Variants in TRERF1 observed in about 807,000 individuals in gnomAD.
The protein encoded by TRERF1 is transcriptional-regulating factor 1.
In TRERF1, 27 loss-of-function variants were observed where a neutral mutation model predicts 122.9. The ratio of observed to expected loss-of-function variants is 0.22; its 90% CI spans 0.16 to 0.30. The LOEUF (loss-of-function observed/expected upper bound fraction) is 0.30, where lower values mean the gene tolerates loss of function less well. Ranked by LOEUF, TRERF1 falls within the 10% of genes least tolerant of loss-of-function variation. The pLI is 1.00. For missense variants in TRERF1, 1,248 were observed against 1,560.3 expected, an observed-to-expected ratio of 0.80 and a Z score of 3.37; for synonymous variants, 636 against 641.7, an observed-to-expected ratio of 0.99 and a Z score of 0.13.
chr6:42,396,602 C>T (rs1321084402), intron 2 of TRERF1, among the ~76,000 whole-genome samples: 2 of 152,182 alleles, frequency 1.3e-5, no homozygotes, highest in Non-Finnish European at 2.9e-5. Context: ...ACTCTGAAAT[C>T]AGGATCTGGA....
intron 2 of TRERF1, among the ~76,000 whole-genome samples, chr6:42,382,090 G>A (rs1005573482): frequency 2.0e-5 from 3 of 151,718 alleles, no homozygotes; most frequent in Admixed American, 1.3e-4. Context: ...ATGAACAGGT[G>A]AGGAGTGAGG....
chr6:42,408,228 T>C (rs1433182168), intron 2 of TRERF1, among the ~76,000 whole-genome samples: 2 of 78,398 alleles, frequency 2.6e-5, no homozygotes, highest in African/African-American at 9.9e-5. Context: ...TATATATATA[T>C]GTGTGTGTGT....
chr6:42,282,429 T>A (rs910670752), intron 4 of TRERF1, among the ~76,000 whole-genome samples: 1 of 152,150 alleles, frequency 6.6e-6, no homozygotes, highest in Non-Finnish European at 1.5e-5. Context: ...ACACTTGTAG[T>A]CCCAGCTACT....
exon 18 of TRERF1, chr6:42,226,181 A>T (rs1769479341): frequency 6.6e-6 from 1 of 152,264 alleles, no homozygotes; most frequent in African/African-American, 2.4e-5. Flanking sequence ...ATGGAAAATT[A>T]TAAGTAAGCT....
In TRERF1 at chr6:42,418,624, C is replaced by G. The variant is rs1027130737; in HGVS notation, c.-454+32553G>C. On this transcript the variant is annotated intron_variant, in intron 2 of 17. Coordinates refer to ENST00000372922, the Ensembl canonical transcript of TRERF1. Reference sequence around the variant, plus strand: ...TGATGCTGCTGGTGCAGGGACTGTGCTTTGAGTACTAGATTATACTAAGGC... The same window carrying G: ...TGATGCTGCTGGTGCAGGGACTGTGGTTTGAGTACTAGATTATACTAAGGC... 3.9e-5 allele frequency among the ~76,000 whole-genome samples: 6 copies of G among 152,000 alleles called. No individual in the cohort carries two copies. In the East Asian group the frequency reaches 1.2e-3, roughly 29 times the overall value.
In TRERF1 at chr6:42,304,693, T is replaced by G. The variant is rs536185253; in HGVS notation, c.-370-3944A>C. 1.0e-3 allele frequency among the ~76,000 whole-genome samples: 154 copies of G among 152,256 alleles called. 1 individual carries two copies. Among genetic ancestry groups the G allele is most frequent in the Admixed American group, 1.7e-3 (26 of 15,294 alleles). On this transcript the variant is annotated intron_variant, in intron 3 of 17. Transcript: ENST00000372922. ...AATCCAGATACCTGGCCCCTACCCC[T>G]TAGAAGTCAGTAGACCCTCCCAAGC...
chr6:42,395,206 G>T (rs1778392646), intron 2 of TRERF1, among the ~76,000 whole-genome samples: 1 of 152,174 alleles, frequency 6.6e-6, no homozygotes, highest in Non-Finnish European at 1.5e-5. Flanking sequence ...CAAAGTCAGG[G>T]TGGACTAACT....
At chr6:42,425,505 C>G (rs1162896203) in intron 2 of TRERF1, among the ~76,000 whole-genome samples, 2 of 146,328 alleles carry the variant, frequency 1.4e-5, no homozygotes, top group African/African-American at 2.5e-5. Flanking sequence ...TTTCACATAC[C>G]TAAACCGACA....
At chr6:42,425,351 G>GCT (rs1783450097) in intron 2 of TRERF1, among the ~76,000 whole-genome samples, 1 of 147,642 alleles carries the variant, frequency 6.8e-6, no homozygotes, top group Admixed American at 6.8e-5. Context: ...AAATATGACA[G>GCT]CCCCCAACCA....
intron 2 of TRERF1, among the ~76,000 whole-genome samples, chr6:42,384,146 T>C (rs1168747526): frequency 6.6e-6 from 1 of 152,140 alleles, no homozygotes. Context: ...GACATACTCC[T>C]ATATATGCAA....
intron 3 of TRERF1, among the ~76,000 whole-genome samples, chr6:42,353,262 C>T (rs1769826201): frequency 6.6e-6 from 1 of 151,840 alleles, no homozygotes; most frequent in African/African-American, 2.4e-5. Flanking sequence ...AAGTATACAC[C>T]AGAGTTGTTT....
chr6:42,423,293 T>C (rs1046658587), intron 2 of TRERF1, among the ~76,000 whole-genome samples: 4 of 152,218 alleles, frequency 2.6e-5, no homozygotes, highest in Non-Finnish European at 4.4e-5. Context: ...TAGGATGCCA[T>C]GGAACTCATC....
chr6:42,327,914 G>A (rs1764568142), intron 3 of TRERF1, among the ~76,000 whole-genome samples: 1 of 151,880 alleles, frequency 6.6e-6, no homozygotes, highest in Non-Finnish European at 1.5e-5. Flanking sequence ...TTGAGGGCCA[G>A]AGGAAGTGGT....
In TRERF1 at chr6:42,228,712, T is replaced by A; in HGVS notation, c.3279-43A>T. The stretch of plus-strand genomic sequence containing the variant: ...GAGGTGTGTAGAATTTAGAAGGAGA[T>A]CTGAGTTCTTGGAAATCCAGGTGTC... On this transcript the variant is annotated intron_variant, in intron 17 of 17. Transcript: ENST00000372922. This position sits in a 1 kb window ranked among gnomAD's most constrained non-coding sequence, Gnocchi z 4.2. The A allele has an allele frequency of 2.0e-6, 3 of 1,528,472 alleles. No homozygotes were observed. The highest frequency in any genetic ancestry group is 2.6e-6 in the Non-Finnish European group (3 of 1,139,474). The allele number at this position is 1,528,472 out of a possible 1,614,324, so 94.7% of individuals were successfully genotyped here.
intron 4 of TRERF1, among the ~76,000 whole-genome samples, chr6:42,282,505 G>A (rs376100397): frequency 1.6e-4 from 25 of 152,132 alleles, no homozygotes; most frequent in African/African-American, 4.6e-4. Flanking sequence ...CCATGATGGC[G>A]CCATTGCATT....
intron 2 of TRERF1, among the ~76,000 whole-genome samples, chr6:42,408,210 AATATATAT>A (rs34821629): frequency 9.3e-6 from 1 of 107,142 alleles, no homozygotes; most frequent in Non-Finnish European, 1.8e-5. Flanking sequence ...TATATAAATA[AATATATAT>A]ATATATATAT....
At chr6:42,351,677 G>A (rs1382678816) in intron 3 of TRERF1, among the ~76,000 whole-genome samples, 3 of 151,994 alleles carry the variant, frequency 2.0e-5, no homozygotes, top group African/African-American at 7.3e-5. Flanking sequence ...GCTCAGTCAG[G>A]GGCTACATGC....
At position 42,232,058 on chromosome 6, in the gene TRERF1, T is replaced by G. The variant is rs1000963907; in HGVS notation, c.3278+623A>C. 6.6e-6 allele frequency among the ~76,000 whole-genome samples: 1 copy of G among 152,260 alleles called. No individual in the cohort carries two copies. The highest frequency in any genetic ancestry group is 2.1e-4 in the South Asian group (1 of 4,832). On this transcript the variant is annotated intron_variant, in intron 17 of 17. Coordinates refer to ENST00000372922, the Ensembl canonical transcript of TRERF1. The surrounding 1 kb of genome is among the most constrained non-coding windows in gnomAD (Gnocchi z 4.5). ...AATTACTATCTCGTTACTTTTTTTC[T>G]TTAGCTGTTGTTGTTTTTTAAATTA...
At chr6:42,250,915 T>C (rs1775643564) in intron 13 of TRERF1, among the ~76,000 whole-genome samples, 1 of 152,006 alleles carries the variant, frequency 6.6e-6, no homozygotes, top group African/African-American at 2.4e-5. Flanking sequence ...GAGAGAAAGT[T>C]TGGACACAGT....
Sources: gnomAD v4.1 joint callset for allele counts (sites outside exome capture counted in the v4.1 genomes callset) on GRCh38, gnomAD v4.1.1 for gene constraint, Gnocchi (gnomAD v3.1) non-coding constraint, MANE v1.5 for transcripts, NCBI Gene and HGNC (gene_info 2026-07-23, HGNC 2026-07-21) for gene names.